Variants in IMMP2L observed in about 807,000 individuals in gnomAD.
IMMP2L encodes mitochondrial inner membrane protease subunit 2.
In IMMP2L, 18 loss-of-function variants were observed where a neutral mutation model predicts 19.3. The ratio of observed to expected loss-of-function variants is 0.93; its 90% CI spans 0.64 to 1.38. The LOEUF is 1.38. IMMP2L is among the 40% of genes most tolerant of loss of function. The probability of loss-of-function intolerance (pLI) is 0.00; values close to 1 mark genes in which losing one functional copy is unlikely to be tolerated. For missense variants in IMMP2L, 233 were observed against 218.2 expected, an observed-to-expected ratio of 1.07 and a Z score of -0.43; for synonymous variants, 76 against 73.0, an observed-to-expected ratio of 1.04 and a Z score of -0.21.
chr7:111,503,207 C>G (rs554140088), intron 2 of IMMP2L, among the ~76,000 whole-genome samples: 165 of 152,238 alleles, frequency 1.1e-3, no homozygotes, highest in African/African-American at 3.8e-3. Context: ...ACGCAAATAA[C>G]TAGAAAATCT....
intron 3 of IMMP2L, among the ~76,000 whole-genome samples, chr7:111,413,353 G>C (rs574762184): frequency 6.6e-6 from 1 of 151,906 alleles, no homozygotes; most frequent in African/African-American, 2.4e-5. Flanking sequence ...TTCCCAGCTT[G>C]TTTATGAAGC....
chr7:111,384,244 GGAGAGAGGAGAA>G (rs1199124127), intron 3 of IMMP2L, among the ~76,000 whole-genome samples: 3,700 of 147,076 alleles, frequency 0.025, 174 homozygotes, highest in African/African-American at 0.092. Context: ...AGAGGAGAAA[GGAGAGAGGAGAA>G]AGGAGAAAGG....
At chr7:111,134,265 C>G (rs950791417) in intron 3 of IMMP2L, among the ~76,000 whole-genome samples, 1 of 151,934 alleles carries the variant, frequency 6.6e-6, no homozygotes, top group African/African-American at 2.4e-5. Flanking sequence ...TTCTAACTAC[C>G]TAGATTTTTA....
rs570035207 is a variant in IMMP2L, at chr7:110,757,488, C to G, written c.409-93767G>C. On this transcript the variant is annotated intron_variant, in intron 5 of 5. Transcript: ENST00000405709. This position sits in a 1 kb window ranked among gnomAD's most constrained non-coding sequence, Gnocchi z 4.2. ...CACATTTCTCTTGAACTCTTTGTCC[C>G]AGGAGGTTATGTGGATTGTAGTAGT... Among the ~76,000 whole-genome samples the G allele has an allele frequency of 1.1e-3, 162 of 152,120 alleles. 6 individuals carry two copies. The South Asian group carries it at 0.031, about 29-fold the overall frequency.
intron 2 of IMMP2L, among the ~76,000 whole-genome samples, chr7:111,503,436 T>C (rs1300783600): frequency 4.6e-5 from 7 of 151,910 alleles, no homozygotes; most frequent in African/African-American, 9.7e-5. Flanking sequence ...TTCCAATCAA[T>C]AGAAAAAGAG....
chr7:110,747,074 A>G (rs190573015), intron 5 of IMMP2L, among the ~76,000 whole-genome samples: 82 of 152,294 alleles, frequency 5.4e-4, no homozygotes, highest in African/African-American at 1.9e-3. Context: ...AGGGGATACC[A>G]CCAATTCCCA....
At chr7:110,825,423 C>T (rs1056397755) in intron 5 of IMMP2L, among the ~76,000 whole-genome samples, 2 of 152,136 alleles carry the variant, frequency 1.3e-5, no homozygotes, top group African/African-American at 4.8e-5. Context: ...ATCATGCTAC[C>T]TGACTTCAAA....
intron 5 of IMMP2L, among the ~76,000 whole-genome samples, chr7:110,862,430 C>G (rs1456581207): frequency 6.6e-6 from 1 of 151,722 alleles, no homozygotes; most frequent in Admixed American, 6.6e-5. Context: ...GCCTCAAACT[C>G]CTGGGCTCAA....
chr7:111,160,345 A>G (rs1805117647), intron 3 of IMMP2L, among the ~76,000 whole-genome samples: 1 of 152,040 alleles, frequency 6.6e-6, no homozygotes, highest in African/African-American at 2.4e-5. Context: ...ACCTTTGAGC[A>G]GTGTTTTTGC....
chr7:110,847,989 C>T (rs1206264400), intron 5 of IMMP2L, among the ~76,000 whole-genome samples: 5 of 151,940 alleles, frequency 3.3e-5, no homozygotes, highest in Admixed American at 1.3e-4. Context: ...AAATAAATGA[C>T]GTAGGGTATG....
At chr7:111,106,053 T>A (rs751404856) in intron 3 of IMMP2L, among the ~76,000 whole-genome samples, 3 of 151,946 alleles carry the variant, frequency 2.0e-5, no homozygotes, top group Non-Finnish European at 2.9e-5. Context: ...ATTTGTAATA[T>A]CACAGTAACA....
At chr7:111,431,950 T>C (rs1836674526) in intron 3 of IMMP2L, among the ~76,000 whole-genome samples, 1 of 151,784 alleles carries the variant, frequency 6.6e-6, no homozygotes, top group African/African-American at 2.4e-5. Context: ...ATTGTATTCT[T>C]TGGAAAACAA....
intron 3 of IMMP2L, among the ~76,000 whole-genome samples, chr7:110,970,131 T>TTA (rs1819983964): frequency 6.6e-6 from 1 of 150,938 alleles, no homozygotes; most frequent in African/African-American, 2.5e-5. Flanking sequence ...TAAAATCAAT[T>TTA]AAATTTGTAT....
At chr7:110,792,412 G>A (rs1196392655) in intron 5 of IMMP2L, among the ~76,000 whole-genome samples, 1 of 149,352 alleles carries the variant, frequency 6.7e-6, no homozygotes, top group East Asian at 1.9e-4. Flanking sequence ...AACCCTGTAA[G>A]TTTTTTCCAG....
intron 2 of IMMP2L, among the ~76,000 whole-genome samples, chr7:111,497,726 A>C (rs1256564170): frequency 6.6e-6 from 1 of 152,014 alleles, no homozygotes. Flanking sequence ...AATCTATGCA[A>C]TCTTCAGTAA....
intron 3 of IMMP2L, among the ~76,000 whole-genome samples, chr7:111,030,878 GTGTGTGTATATA>G (rs1202170924): frequency 5.3e-5 from 1 of 18,726 alleles, no homozygotes; most frequent in Non-Finnish European, 1.1e-4. Context: ...ATGTGTGTGT[GTGTGTGTATATA>G]TATATATATA....
At chr7:110,792,087 T>C (rs1032112022) in intron 5 of IMMP2L, among the ~76,000 whole-genome samples, 1 of 151,838 alleles carries the variant, frequency 6.6e-6, no homozygotes, top group African/African-American at 2.4e-5. Context: ...CTATCATCTA[T>C]GTACACTTCA....
chr7:110,871,326 C>T (rs1226116571), intron 5 of IMMP2L, among the ~76,000 whole-genome samples: 1 of 152,022 alleles, frequency 6.6e-6, no homozygotes, highest in Non-Finnish European at 1.5e-5. Context: ...AACACAGGAT[C>T]AATTTTCTTA....
At chr7:110,784,875 T>A (rs972288368) in intron 5 of IMMP2L, among the ~76,000 whole-genome samples, 1 of 151,888 alleles carries the variant, frequency 6.6e-6, no homozygotes, top group Non-Finnish European at 1.5e-5. Context: ...CTGTCCAGCA[T>A]GGTAGCCACT....
Sources: allele counts gnomAD v4.1 joint callset (sites outside exome capture counted in the v4.1 genomes callset), GRCh38; gene constraint gnomAD v4.1.1; non-coding constraint Gnocchi (gnomAD v3.1); transcripts MANE v1.5; gene names NCBI Gene and HGNC (gene_info 2026-07-23, HGNC 2026-07-21).